GPC6: variants seen among roughly 807,000 people sequenced by gnomAD.
GPC6 encodes glypican-6.
Under a neutral mutation model 55.2 loss-of-function variants are expected in GPC6, and 14 were observed. The observed-to-expected ratio is 0.25, with a 90% CI of 0.17 to 0.40. The LOEUF is 0.40. Ranked by LOEUF, GPC6 falls within the 10% of genes least tolerant of loss-of-function variation. GPC6 has a pLI of 1.00. For missense variants in GPC6, 641 were observed against 708.5 expected, an observed-to-expected ratio of 0.90 and a Z score of 1.08; for synonymous variants, 278 against 259.6, an observed-to-expected ratio of 1.07 and a Z score of -0.68.
At chr13:94,189,638 ATAAAT>A (rs1889317244) in intron 4 of GPC6, among the ~76,000 whole-genome samples, 1 of 152,246 alleles carries the variant, frequency 6.6e-6, no homozygotes, top group East Asian at 1.9e-4. Flanking sequence ...AATTTTCCAG[ATAAAT>A]TAAACAATTA....
intron 1 of GPC6, among the ~76,000 whole-genome samples, chr13:93,489,142 T>C (rs1026792143): frequency 2.6e-5 from 4 of 151,558 alleles, no homozygotes; most frequent in African/African-American, 9.7e-5. Flanking sequence ...TGAATTAATT[T>C]TTGTATAAGG....
intron 3 of GPC6, among the ~76,000 whole-genome samples, chr13:93,909,765 C>A (rs1490673580): frequency 2.0e-5 from 3 of 152,066 alleles, no homozygotes; most frequent in Admixed American, 2.0e-4. Context: ...ATTTGAGAAG[C>A]AATTATAAAG....
At chr13:93,522,321 G>A (rs184064538) in intron 1 of GPC6, among the ~76,000 whole-genome samples, 11 of 152,040 alleles carry the variant, frequency 7.2e-5, no homozygotes, top group Admixed American at 3.9e-4. Flanking sequence ...ACCCCATTCC[G>A]ATTCCTGGAA....
At chr13:93,527,575 A>T (rs1881704824) in intron 1 of GPC6, among the ~76,000 whole-genome samples, 1 of 152,152 alleles carries the variant, frequency 6.6e-6, no homozygotes, top group Non-Finnish European at 1.5e-5. Flanking sequence ...GTTGGAAAGG[A>T]TGCTAGAATT....
intron 4 of GPC6, among the ~76,000 whole-genome samples, chr13:94,087,606 A>C (rs1885334024): frequency 6.6e-6 from 1 of 152,216 alleles, no homozygotes; most frequent in Non-Finnish European, 1.5e-5. Flanking sequence ...TGATAAAGAT[A>C]ATGACTGCTC....
intron 4 of GPC6, among the ~76,000 whole-genome samples, chr13:94,067,602 GAT>G (rs1187795296): frequency 9.9e-5 from 15 of 151,728 alleles, no homozygotes; most frequent in African/African-American, 3.6e-4. Flanking sequence ...TAGATAGATA[GAT>G]AGATAGATAG....
chr13:94,179,817 C>G (rs780467437), intron 4 of GPC6, among the ~76,000 whole-genome samples: 1 of 152,102 alleles, frequency 6.6e-6, no homozygotes, highest in African/African-American at 2.4e-5. Context: ...ACCTTCTAAC[C>G]AGGTCACTAC....
intron 3 of GPC6, among the ~76,000 whole-genome samples, chr13:94,021,957 T>G (rs1195261936): frequency 6.6e-6 from 1 of 152,068 alleles, no homozygotes. Flanking sequence ...AGATTATTGT[T>G]TTCAAAATAA....
At chr13:93,223,019 C>T (rs983103006), upstream of GPC6, among the ~76,000 whole-genome samples, 99 of 100,764 alleles carry the variant, frequency 9.8e-4, no homozygotes, top group African/African-American at 2.5e-3. Flanking sequence ...AGGGAAAACA[C>T]TTTTTTTTTT....
At chr13:93,503,629 G>A (rs538459745) in intron 1 of GPC6, among the ~76,000 whole-genome samples, 2 of 152,226 alleles carry the variant, frequency 1.3e-5, no homozygotes, top group African/African-American at 4.8e-5. Context: ...CCATTTGTGT[G>A]TATATCGGAA....
intron 2 of GPC6, among the ~76,000 whole-genome samples, chr13:93,794,877 A>G (rs1277243167): frequency 6.6e-6 from 1 of 152,254 alleles, no homozygotes; most frequent in Non-Finnish European, 1.5e-5. Context: ...TTACTTAAAA[A>G]TAGATTCAAG....
intron 2 of GPC6, among the ~76,000 whole-genome samples, chr13:93,561,184 T>G (rs1875766765): frequency 6.6e-6 from 1 of 152,068 alleles, no homozygotes; most frequent in African/African-American, 2.4e-5. Context: ...TATTGATAGA[T>G]AGCCAACATT....
At chr13:93,665,082 G>C (rs1306259329) in intron 2 of GPC6, among the ~76,000 whole-genome samples, 2 of 152,148 alleles carry the variant, frequency 1.3e-5, no homozygotes, top group African/African-American at 2.4e-5. Flanking sequence ...ACACACTACT[G>C]TTTGGCCCAG....
At chr13:94,372,757 G>A (rs921710288) in intron 6 of GPC6, among the ~76,000 whole-genome samples, 51 of 152,292 alleles carry the variant, frequency 3.3e-4, no homozygotes, top group Non-Finnish European at 6.2e-4. Context: ...CACCTCTGGG[G>A]GCAGGGCACA....
intron 1 of GPC6, among the ~76,000 whole-genome samples, chr13:93,510,665 T>C (rs1880920321): frequency 6.6e-6 from 1 of 151,996 alleles, no homozygotes; most frequent in Non-Finnish European, 1.5e-5. Context: ...TTCCTTTGAG[T>C]ATATACCCAG....
chr13:93,700,127 A>G (rs1053782143), intron 2 of GPC6, among the ~76,000 whole-genome samples: 2 of 152,106 alleles, frequency 1.3e-5, no homozygotes, highest in Non-Finnish European at 2.9e-5. Flanking sequence ...AATGTGGCGC[A>G]CAGTTATGAA....
chr13:93,311,273 A>G (rs1041132005), intron 1 of GPC6, among the ~76,000 whole-genome samples: 2 of 152,192 alleles, frequency 1.3e-5, no homozygotes, highest in African/African-American at 2.4e-5. Context: ...CTTAACATGC[A>G]TTCATTTTAC....
chr13:93,479,994 AAAGGC>A (rs1879456042), intron 1 of GPC6, among the ~76,000 whole-genome samples: 2 of 152,212 alleles, frequency 1.3e-5, no homozygotes, highest in African/African-American at 4.8e-5. Context: ...AATTTACAAC[AAAGGC>A]AAGATAAGAG....
chr13:94,377,125 A>G, intron 6 of GPC6, among the ~76,000 whole-genome samples: 3 of 150,280 alleles, frequency 2.0e-5, no homozygotes, highest in Non-Finnish European at 3.0e-5. Flanking sequence ...ATTACCATTC[A>G]GGACATAGGC....
Sources: gnomAD v4.1 joint callset for allele counts (sites outside exome capture counted in the v4.1 genomes callset) on GRCh38, gnomAD v4.1.1 for gene constraint, MANE v1.5 for transcripts, NCBI Gene and HGNC (gene_info 2026-07-23, HGNC 2026-07-21) for gene names.